SPATA6: variants seen among roughly 807,000 people sequenced by gnomAD.
SPATA6 encodes the protein spermatogenesis associated 6.
In SPATA6, 56 loss-of-function variants were observed where a neutral mutation model predicts 65.3. The observed-to-expected ratio is 0.86, with a 90% CI of 0.69 to 1.07. The LOEUF is 1.07. SPATA6 is among the 50% of genes least tolerant of loss of function. The pLI is 0.00. For synonymous variants in SPATA6, 199 were observed against 213.2 expected (o/e 0.93, Z 0.58); for missense variants, 590 against 594.8 (o/e 0.99, Z 0.08).
At chr1:48,444,884 G>A (rs1225739740) in intron 3 of SPATA6, among the ~76,000 whole-genome samples, 3 of 152,164 alleles carry the variant, frequency 2.0e-5, no homozygotes, top group Non-Finnish European at 4.4e-5. Context: ...CATTTGATCT[G>A]GGGTTACTCA....
the SPATA6 span, among the ~76,000 whole-genome samples, chr1:48,276,120 A>G: frequency 0.6 from 91,249 of 151,980 alleles, 28,047 homozygotes; most frequent in East Asian, 0.81. Flanking sequence ...GTTTATTTGC[A>G]TAGAGGTGTT....
chr1:48,264,826 ATATGTGTGCATGAGTCTT>A, the SPATA6 span, among the ~76,000 whole-genome samples: 1 of 152,206 alleles, frequency 6.6e-6, no homozygotes, highest in African/African-American at 2.4e-5. Context: ...TGCAGTAAAC[ATATGTGTGCATGAGTCTT>A]TATAGTAGAA....
intron 3 of SPATA6, among the ~76,000 whole-genome samples, chr1:48,445,357 C>T (rs369390428): frequency 1.3e-5 from 2 of 152,138 alleles, no homozygotes; most frequent in African/African-American, 4.8e-5. Flanking sequence ...TACAGATCTA[C>T]GTAGTTCTTA....
chr1:48,368,683 G>A (rs1048576514), intron 9 of SPATA6, among the ~76,000 whole-genome samples: 5 of 152,084 alleles, frequency 3.3e-5, no homozygotes, highest in African/African-American at 1.2e-4. Flanking sequence ...GGTTATTCTA[G>A]TTATACATTT....
At chr1:48,426,081 T>G (rs1490270158) in intron 3 of SPATA6, among the ~76,000 whole-genome samples, 4 of 152,112 alleles carry the variant, frequency 2.6e-5, no homozygotes, top group African/African-American at 9.7e-5. Context: ...AACATATAAC[T>G]GGCAAATGGC....
intron 11 of SPATA6, chr1:48,325,501 T>C: frequency 8.1e-7 from 1 of 1,235,604 alleles, no homozygotes; most frequent in Non-Finnish European, 1.2e-6. Context: ...GAGTTGATGA[T>C]CTCATCATCC....
intron 9 of SPATA6, among the ~76,000 whole-genome samples, chr1:48,367,447 CACTCAGG>C (rs1175237122): frequency 5.3e-5 from 8 of 152,152 alleles, no homozygotes; most frequent in Non-Finnish European, 8.8e-5. Flanking sequence ...CTTTGTAGGT[CACTCAGG>C]ACTTGCTTTA....
intron 3 of SPATA6, among the ~76,000 whole-genome samples, chr1:48,445,604 G>A (rs982991838): frequency 7.1e-6 from 1 of 140,206 alleles, no homozygotes; most frequent in Non-Finnish European, 1.5e-5. Flanking sequence ...AGCTTGCAGT[G>A]AGCCGAGATC....
At chr1:48,382,629 ACCC>A (rs1158594255) in intron 9 of SPATA6, among the ~76,000 whole-genome samples, 68 of 5,086 alleles carry the variant, frequency 0.013, no homozygotes, top group South Asian at 0.029. Context: ...CGGCTGGCCG[ACCC>A]CCCCCCCCCC....
intron 12 of SPATA6, among the ~76,000 whole-genome samples, chr1:48,304,704 A>C (rs1645018900): frequency 6.6e-6 from 1 of 152,102 alleles, no homozygotes; most frequent in Non-Finnish European, 1.5e-5. Context: ...ACCAGCATCT[A>C]TGGGGGTAAA....
At chr1:48,294,687 T>C (rs575921073), downstream of SPATA6, among the ~76,000 whole-genome samples, 2 of 152,246 alleles carry the variant, frequency 1.3e-5, no homozygotes, top group Non-Finnish European at 2.9e-5. Context: ...ATTTAGTTTA[T>C]TCCACCTTGT....
intron 8 of SPATA6, among the ~76,000 whole-genome samples, chr1:48,394,191 A>T (rs1003407025): frequency 2.0e-5 from 3 of 152,138 alleles, no homozygotes; most frequent in Non-Finnish European, 4.4e-5. Context: ...AAGTTAAAAG[A>T]AAACAACTCA....
chr1:48,436,782 T>C (rs1654980238), intron 3 of SPATA6: 8 of 1,614,176 alleles, frequency 5.0e-6, no homozygotes, highest in Admixed American at 1.7e-5. Flanking sequence ...AGGACATGCA[T>C]AGAACTCAGA....
the SPATA6 span, among the ~76,000 whole-genome samples, chr1:48,278,923 G>C: frequency 6.6e-6 from 1 of 152,188 alleles, no homozygotes; most frequent in Non-Finnish European, 1.5e-5. Flanking sequence ...GTTAAGGGCA[G>C]CCAGAGAGAA....
intron 3 of SPATA6, among the ~76,000 whole-genome samples, chr1:48,423,179 G>A (rs149991869): frequency 1.2e-4 from 19 of 152,160 alleles, no homozygotes; most frequent in Admixed American, 3.3e-4. Flanking sequence ...AAAGTAGGCC[G>A]GGCATGGTGG....
In SPATA6 at chr1:48,359,599, A is replaced by C. The variant is rs780925518; in HGVS notation, c.1081T>G (p.Ser361Ala). ...GCACATAATTACCTTTCCCTGAGAG[A>C]AGCTCTATTTAACACAGGGCTTGGA... Reference protein sequence around the residue: ...HSPSPVLNRASLRERFHSDWC... With the variant: ...HSPSPVLNRAALRERFHSDWC... The change falls in exon 10 of 13, where the codon TCT (serine) becomes GCT (alanine). Residue 361 changes from serine (S) to alanine (A), a missense_variant. Coordinates refer to ENST00000371847, the MANE Select transcript of SPATA6 (RefSeq NM_019073.4). The C allele has an allele frequency of 1.2e-6, 2 of 1,612,810 alleles. No individual in the cohort carries two copies. The highest frequency in any genetic ancestry group is 2.2e-5 in the East Asian group (1 of 44,860).
At chr1:48,341,599 A>C (rs911726616) in intron 11 of SPATA6, among the ~76,000 whole-genome samples, 6 of 152,236 alleles carry the variant, frequency 3.9e-5, no homozygotes, top group African/African-American at 1.2e-4. Context: ...TGCCAAAGCA[A>C]ATCAGTAAAG....
downstream of SPATA6, among the ~76,000 whole-genome samples, chr1:48,292,466 T>C (rs906667479): frequency 1.3e-5 from 2 of 152,192 alleles, no homozygotes; most frequent in Non-Finnish European, 2.9e-5. Flanking sequence ...TGCACCTGCA[T>C]AGATAATGCC....
At chr1:48,312,380 G>A (rs1241573940) in intron 11 of SPATA6, among the ~76,000 whole-genome samples, 1 of 152,164 alleles carries the variant, frequency 6.6e-6, no homozygotes, top group East Asian at 1.9e-4. Context: ...AGCAACATTT[G>A]CTGTTCACCA....
Sources: allele counts gnomAD v4.1 joint callset (sites outside exome capture counted in the v4.1 genomes callset), GRCh38; gene constraint gnomAD v4.1.1; transcripts MANE v1.5; gene names NCBI Gene and HGNC (gene_info 2026-07-23, HGNC 2026-07-21).